The following ATP9A variants were observed in gnomAD, a reference collection of about 807,000 sequenced individuals.
ATP9A encodes probable phospholipid-transporting ATPase IIA.
In ATP9A, 52 loss-of-function variants were observed where a neutral mutation model predicts 144.1. The ratio of observed to expected loss-of-function variants is 0.36; its 90% confidence interval spans 0.29 to 0.45. ATP9A has a LOEUF of 0.45. Among genes scored for constraint, ATP9A ranks in the 20% least tolerant of loss-of-function variants. ATP9A has a pLI of 1.00. For missense variants in ATP9A, 947 were observed against 1,392.7 expected (o/e 0.68, Z 5.09); for synonymous variants, 582 against 557.4 (o/e 1.04, Z -0.62).
chr20:51,611,693 C>CT lies in ATP9A; in HGVS notation c.2572-1529dup, dbSNP rs1431387626. ...GAAGAAGTCAGCTCATCCCGGCCAGCTTTTGTGTATGAGTCCAAGGACGGG... is the reference window on the plus strand; with the variant it reads ...GAAGAAGTCAGCTCATCCCGGCCAGCTTTTTGTGTATGAGTCCAAGGACGGG... On this transcript the variant is annotated intron_variant, in intron 23 of 27. Coordinates refer to ENST00000338821, the MANE Select transcript of ATP9A (RefSeq NM_006045.3). This position sits in a 1 kb window ranked among gnomAD's most constrained non-coding sequence, Gnocchi z 4.2. Among the ~76,000 whole-genome samples, 19 of 152,318 alleles carry CT rather than the reference C, an allele frequency of 1.2e-4. No homozygotes were observed. The highest frequency in any genetic ancestry group is 9.8e-4 in the Admixed American group (15 of 15,300).
chr20:51,675,273 T>C (rs1181120909), intron 10 of ATP9A, among the ~76,000 whole-genome samples: 5 of 152,160 alleles, frequency 3.3e-5, no homozygotes, highest in Non-Finnish European at 5.9e-5. Context: ...CGTCTAATGG[T>C]GGAGCGACCA....
At chr20:51,650,246 CT>C (rs1345337448) in intron 14 of ATP9A, among the ~76,000 whole-genome samples, 1 of 152,112 alleles carries the variant, frequency 6.6e-6, no homozygotes, top group Non-Finnish European at 1.5e-5. Flanking sequence ...TTAAAAAATA[CT>C]TTAATAGGCT....
At chr20:51,642,884 T>C (rs971850772) in intron 14 of ATP9A, among the ~76,000 whole-genome samples, 7 of 151,660 alleles carry the variant, frequency 4.6e-5, no homozygotes, top group African/African-American at 1.7e-4. Flanking sequence ...CTGGATGTCA[T>C]CTTAGCTGAC....
chr20:51,699,333 C>CAAAAAAAAAA (rs74175569), intron 4 of ATP9A, among the ~76,000 whole-genome samples: 1 of 70,454 alleles, frequency 1.4e-5, no homozygotes. Flanking sequence ...AACTCAATCT[C>CAAAAAAAAAA]AAAAAAAAAA....
chr20:51,619,162 C>A, intron 19 of ATP9A, 119 bp from the exon 20 acceptor site: 1 of 765,806 alleles, frequency 1.3e-6, no homozygotes, highest in South Asian at 1.7e-5. Context: ...GGTCCCTCCC[C>A]TCCCCTGCCA....
In ATP9A at chr20:51,639,223, T is replaced by A. The variant is rs2426333; in HGVS notation, c.1668+120A>T. 6.4e-6 allele frequency: 7 copies of A among 1,097,358 alleles called. No individual in the cohort carries two copies. The East Asian group carries it at 1.5e-4, about 24-fold the overall frequency. The allele number at this position is 1,097,358 out of a possible 1,614,324, so 68.0% of individuals were successfully genotyped here. On this transcript the variant is annotated intron_variant, in intron 15 of 27. Transcript: ENST00000338821. ...TTCTGCTTAGGGAATTATATTCCCT[T>A]GTTAGTCTGGGTGACAGATACCACA...
chr20:51,624,120 G>A (rs1429715663), intron 18 of ATP9A, among the ~76,000 whole-genome samples: 1 of 152,234 alleles, frequency 6.6e-6, no homozygotes, highest in East Asian at 1.9e-4. Flanking sequence ...ACTTCCGGAA[G>A]CAAGGTCCCG....
At chr20:51,639,639 G>A (rs2077310389) in intron 14 of ATP9A, 135 bp from the exon 15 acceptor site, 7 of 895,030 alleles carry the variant, frequency 7.8e-6, no homozygotes, top group Non-Finnish European at 1.2e-5. Flanking sequence ...GGGACGCCAA[G>A]TGCTCTGTGC....
At chr20:51,633,131 AAAAAC>A (rs752929780) in intron 15 of ATP9A, among the ~76,000 whole-genome samples, 20 of 152,300 alleles carry the variant, frequency 1.3e-4, no homozygotes, top group Middle Eastern at 3.4e-3. Flanking sequence ...CTCAAAAAAC[AAAAAC>A]AAAACAAAAC....
intron 13 of ATP9A, among the ~76,000 whole-genome samples, chr20:51,669,089 G>A (rs895034619): frequency 6.6e-6 from 1 of 152,192 alleles, no homozygotes; most frequent in African/African-American, 2.4e-5. Flanking sequence ...ACATGGAGCT[G>A]GTCTAACGCG....
rs145001679 is a variant in ATP9A, at chr20:51,666,452, G to A, written c.1293+3545C>T. ...TCCCAGCACTTTGGGAAGCCAAGGCGGACAGATCACCTGAGGTCAGGAGTT... is the reference window on the plus strand; with the variant it reads ...TCCCAGCACTTTGGGAAGCCAAGGCAGACAGATCACCTGAGGTCAGGAGTT... On this transcript the variant is annotated intron_variant, in intron 13 of 27. Transcript: ENST00000338821. Among the ~76,000 whole-genome samples, 979 of 152,186 alleles carry A rather than the reference G, an allele frequency of 6.4e-3. 2 individuals carry two copies. Among genetic ancestry groups the A allele is most frequent in the Non-Finnish European group, 9.9e-3 (673 of 68,004 alleles).
At chr20:51,645,540 CAA>C (rs34789590) in intron 14 of ATP9A, among the ~76,000 whole-genome samples, 1 of 149,902 alleles carries the variant, frequency 6.7e-6, no homozygotes, top group East Asian at 2.0e-4. Flanking sequence ...AACAAACAAA[CAA>C]AAAAAAAACA....
intron 1 of ATP9A, among the ~76,000 whole-genome samples, chr20:51,763,469 C>T (rs141411773): frequency 0.23 from 35,160 of 151,594 alleles, 4,624 homozygotes; most frequent in Middle Eastern, 0.31. Context: ...CCCGCCACCA[C>T]ACCCAGCTAA....
At chr20:51,624,157 G>A (rs2077238228) in intron 18 of ATP9A, among the ~76,000 whole-genome samples, 1 of 152,198 alleles carries the variant, frequency 6.6e-6, no homozygotes, top group South Asian at 2.1e-4. Flanking sequence ...GACGAACCAG[G>A]CCTGTGAGCC....
At position 51,651,048 on chromosome 20, in the gene ATP9A, G is replaced by A. The variant is rs560919254; in HGVS notation, c.1506+5890C>T. Among the ~76,000 whole-genome samples, 56 of 148,264 alleles carry A rather than the reference G, an allele frequency of 3.8e-4. 1 individual carries two copies. The highest frequency in any genetic ancestry group is 1.3e-3 in the African/African-American group (53 of 40,226). ...GGCTCGAGTGCAGTGGTGCAATCTCGGAAAGCCATATGACTTTCTAAAGGA... is the reference window on the plus strand; with the variant it reads ...GGCTCGAGTGCAGTGGTGCAATCTCAGAAAGCCATATGACTTTCTAAAGGA... On this transcript the variant is annotated intron_variant, in intron 14 of 27. Coordinates refer to ENST00000338821, the MANE Select transcript of ATP9A (RefSeq NM_006045.3).
In ATP9A at chr20:51,600,241, G is replaced by A. The variant is rs2038737097; in HGVS notation, c.*970C>T. 6.6e-6 allele frequency: 1 copy of A among 152,244 alleles called. No individual in the cohort carries two copies. The highest frequency in any genetic ancestry group is 2.4e-5 in the African/African-American group (1 of 41,452). 9.4% of individuals were successfully genotyped at this position (152,244 alleles called of 1,614,324 possible). On this transcript the variant is annotated 3_prime_UTR_variant, in exon 28 of 28. Transcript: ENST00000338821. ...ACAGGAAACAGGCTTCTATGGAAGA[G>A]AAGAGTCCCAGCCCCCTGACCTTTC...
chr20:51,685,509 G>A (rs981720679), intron 9 of ATP9A, among the ~76,000 whole-genome samples: 1 of 151,934 alleles, frequency 6.6e-6, no homozygotes, highest in African/African-American at 2.4e-5. Flanking sequence ...GTTGCAGTGA[G>A]CCAAGATCAC....
Position 51,745,731 on chromosome 20 carries a change from T to C in ATP9A, c.69-15753A>G, listed in dbSNP as rs76670754. On this transcript the variant is annotated intron_variant, in intron 1 of 27. Transcript: ENST00000338821. ...AGCAGCTCTGCCCACTAGGCTTCTG[T>C]GATGATGGAATCATTCTATACTGCA... 1.6e-3 allele frequency among the ~76,000 whole-genome samples: 250 copies of C among 152,218 alleles called. 1 individual carries two copies. Among genetic ancestry groups the C allele is most frequent in the Middle Eastern group, 3.4e-3 (1 of 294 alleles).
intron 13 of ATP9A, 83 bp downstream of exon 13, chr20:51,669,914 G>C (rs956655674): frequency 7.6e-6 from 7 of 919,222 alleles, no homozygotes; most frequent in African/African-American, 1.6e-5. Context: ...TGAATTGTAC[G>C]GTATTGTGAA....
Sources: allele counts gnomAD v4.1 joint callset (sites outside exome capture counted in the v4.1 genomes callset), GRCh38; gene constraint gnomAD v4.1.1; non-coding constraint Gnocchi (gnomAD v3.1); transcripts MANE v1.5; gene names NCBI Gene and HGNC (gene_info 2026-07-23, HGNC 2026-07-21).